The following HINFP variants were observed in gnomAD, a reference collection of about 807,000 sequenced individuals.
The protein encoded by HINFP is MBD2 (methyl-CpG-binding protein)-interacting zinc finger protein.
In HINFP, 20 loss-of-function variants were observed where a neutral mutation model predicts 50.1. The observed-to-expected ratio is 0.40, with a 90% confidence interval of 0.28 to 0.58. HINFP has a LOEUF of 0.58. Ranked by LOEUF, HINFP falls within the 20% of genes least tolerant of loss-of-function variation. The probability of loss-of-function intolerance (pLI) is 0.45; values close to 1 mark genes in which losing one functional copy is unlikely to be tolerated. For missense variants in HINFP, 505 were observed against 664.1 expected (o/e 0.76, Z 2.63); for synonymous variants, 247 against 243.7 (o/e 1.01, Z -0.13).
rs1226450278 is a variant in HINFP at position 119,131,017 on chromosome 11, G to A, written c.411+63G>A. On this transcript the variant is annotated intron_variant, in intron 3 of 9. Coordinates refer to ENST00000350777, the MANE Select transcript of HINFP (RefSeq NM_198971.3). This position sits in a 1 kb window ranked among gnomAD's most constrained non-coding sequence, Gnocchi z 4.2. The stretch of plus-strand genomic sequence containing the variant: ...CTGGGGGTCTTAACTCTGATGCCTT[G>A]TCCCTTTCAGGGATGCCTTATATTT... 1.6e-6 allele frequency: 2 copies of A among 1,274,530 alleles called. No individual in the cohort carries two copies. The highest frequency in any genetic ancestry group is 2.4e-5 in the South Asian group (2 of 83,824). The allele number at this position is 1,274,530 out of a possible 1,614,324, so 79.0% of individuals were successfully genotyped here. A position where few individuals can be genotyped will look rare whatever the true frequency, so the allele number is the denominator to read the frequency against.
chr11:119,121,843 G>C (rs1947077614), intron 1 of HINFP: 1 of 152,408 alleles, frequency 6.6e-6, no homozygotes, highest in South Asian at 2.1e-4. Flanking sequence ...GAAGGATTCC[G>C]GGAAGCCTGC....
At chr11:119,128,684 C>T (rs1182281291) in intron 2 of HINFP, among the ~76,000 whole-genome samples, 4 of 151,756 alleles carry the variant, frequency 2.6e-5, no homozygotes, top group African/African-American at 9.7e-5. Context: ...ATGAGATAGG[C>T]ACTATTATTA....
rs1947838134 is a variant in HINFP, at chr11:119,132,727, T to C, written c.821T>C (p.Met274Thr). The change falls in exon 7 of 10, where the codon ATG (methionine) becomes ACG (threonine). Residue 274 changes from methionine to threonine, a missense_variant. Coordinates refer to ENST00000350777, the MANE Select transcript of HINFP (RefSeq NM_198971.3). ...CTGCCTTCCTCCCTCCGCAACCACA[T>C]GCGCTTTCGTCACAGTGAGGACCGG... is the stretch of plus-strand genomic sequence containing the variant. ...CPLPSSLRNH[M>T]RFRHSEDRPF... 3 of 1,613,810 alleles carry C rather than the reference T, an allele frequency of 1.9e-6. No individual in the cohort carries two copies. Among genetic ancestry groups the C allele is most frequent in the Non-Finnish European group, 2.5e-6 (3 of 1,180,042 alleles).
intron 2 of HINFP, among the ~76,000 whole-genome samples, chr11:119,128,616 C>T (rs1253354827): frequency 1.3e-5 from 2 of 152,104 alleles, no homozygotes; most frequent in African/African-American, 4.8e-5. Flanking sequence ...ACGTGAGCCA[C>T]CATGCCCGGC....
chr11:119,133,316 C>T (rs537153), intron 9 of HINFP, 97 bp downstream of exon 9: 610,864 of 1,494,462 alleles, frequency 0.41, 129,865 homozygotes, highest in East Asian at 0.73. Flanking sequence ...CGCGGTGGCT[C>T]ACGCCTGTAA....
chr11:119,130,835 T>C lies in HINFP; in HGVS notation c.292T>C (p.Trp98Arg), dbSNP rs758060578. ...FHCYHTKLKQ[W>R]GLQALQSQAD... ...CTGCTACCACACCAAGCTGAAACAG[T>C]GGGGGCTGCAGGCCTTGCAAAGCCA... The change falls in exon 3 of 10, where the codon TGG becomes CGG. Residue 98 changes from tryptophan to arginine, a missense_variant. Transcript: ENST00000350777. 2.5e-6 allele frequency: 4 copies of C among 1,614,196 alleles called. No homozygotes were observed. The highest frequency in any genetic ancestry group is 3.4e-6 in the Non-Finnish European group (4 of 1,180,038).
intron 1 of HINFP, 128 bp from the exon 2 acceptor site, chr11:119,126,807 G>A: frequency 4.2e-6 from 3 of 722,488 alleles, no homozygotes; most frequent in Admixed American, 2.8e-5. Flanking sequence ...ACTGTAAAAG[G>A]GCAGGGTTTC....
chr11:119,126,744 C>A (rs995056116), intron 1 of HINFP, 191 bp from the exon 2 acceptor site: 15 of 537,078 alleles, frequency 2.8e-5, no homozygotes, highest in African/African-American at 2.7e-4. Context: ...TTTGTTTTCC[C>A]TTTCCACAAA....
At position 119,131,068 on chromosome 11, in the gene HINFP, T is replaced by C. The variant is rs771237114; in HGVS notation, c.411+114T>C. On this transcript the variant is annotated intron_variant, in intron 3 of 9. Coordinates refer to ENST00000350777, the MANE Select transcript of HINFP (RefSeq NM_198971.3). This position sits in a 1 kb window ranked among gnomAD's most constrained non-coding sequence, Gnocchi z 4.2. Reference sequence around the variant, plus strand: ...CCAAGATTCCTGCTAGTATCTCTCTTCCATTTCTTTTGCTCTTTTAAAATT... The same window carrying C: ...CCAAGATTCCTGCTAGTATCTCTCTCCCATTTCTTTTGCTCTTTTAAAATT... The C allele has an allele frequency of 1.1e-5, 10 of 887,942 alleles. No homozygotes were observed. Among genetic ancestry groups the C allele is most frequent in the South Asian group, 8.3e-5 (6 of 72,594 alleles). 55.0% of individuals were successfully genotyped at this position (887,942 alleles called of 1,614,324 possible).
intron 2 of HINFP, chr11:119,130,487 G>T (rs528138736): frequency 2.7e-5 from 14 of 521,430 alleles, no homozygotes; most frequent in Non-Finnish European, 4.5e-5. Context: ...CTTTCTCCCT[G>T]ACTGAAAGCT....
chr11:119,129,844 C>T (rs911072067), intron 2 of HINFP: 1 of 152,182 alleles, frequency 6.6e-6, no homozygotes, highest in African/African-American at 2.4e-5. Flanking sequence ...CTCTATTCTA[C>T]AGGAAATATG....
At chr11:119,124,561 T>C (rs918947060) in intron 1 of HINFP, 1 of 152,218 alleles carries the variant, frequency 6.6e-6, no homozygotes, top group Non-Finnish European at 1.5e-5. Context: ...CTTCTGGAAC[T>C]GCTTGCATCA....
At chr11:119,128,583 C>G (rs1400516077) in intron 2 of HINFP, among the ~76,000 whole-genome samples, 1 of 152,094 alleles carries the variant, frequency 6.6e-6, no homozygotes, top group Non-Finnish European at 1.5e-5. Context: ...CCGCCTCAGC[C>G]TCCCAAAGTG....
At chr11:119,124,273 T>C (rs1302412617) in intron 1 of HINFP, 1 of 152,194 alleles carries the variant, frequency 6.6e-6, no homozygotes, top group Non-Finnish European at 1.5e-5. Flanking sequence ...AAGCCTGTAT[T>C]GGGGGCATGA....
rs1469780275 is a variant in HINFP, at chr11:119,129,330, C to T, written c.182-1395C>T. Among the ~76,000 whole-genome samples, 6 of 151,696 alleles carry T rather than the reference C, an allele frequency of 4.0e-5. No homozygotes were observed. In the East Asian group the frequency reaches 5.9e-4, roughly 15 times the overall value. On this transcript the variant is annotated intron_variant, in intron 2 of 9. Coordinates refer to ENST00000350777, the MANE Select transcript of HINFP (RefSeq NM_198971.3). The stretch of plus-strand genomic sequence containing the variant: ...TTGGGATTACAGGCGTGAGCCACTG[C>T]GCCCGACCAAAGCCACTTTTTTTTT...
At chr11:119,127,774 C>T (rs760442045) in intron 2 of HINFP, among the ~76,000 whole-genome samples, 1 of 151,970 alleles carries the variant, frequency 6.6e-6, no homozygotes, top group Non-Finnish European at 1.5e-5. Context: ...CTCCTGGCCT[C>T]GAGCAATCCT....
chr11:119,125,055 T>TG, intron 1 of HINFP: 1 of 149,062 alleles, frequency 6.7e-6, no homozygotes, highest in East Asian at 2.0e-4. Flanking sequence ...TTTTTTTTTT[T>TG]TGAGACAGAG....
rs1178827220 is a variant in HINFP at position 119,121,646 on chromosome 11, T to C, written c.-11+7T>C. 1 of 152,464 alleles carries C rather than the reference T, an allele frequency of 6.6e-6. No individual in the cohort carries two copies. Among genetic ancestry groups the C allele is most frequent in the Non-Finnish European group, 1.5e-5 (1 of 68,216 alleles). The allele number at this position is 152,464 out of a possible 1,614,324, so 9.4% of individuals were successfully genotyped here. A position where few individuals can be genotyped will look rare whatever the true frequency, so the allele number is the denominator to read the frequency against. On this transcript the variant is annotated splice_region_variant and intron_variant, in intron 1 of 9. Transcript: ENST00000350777. ...GACCTGGAGCCGACAGACGGTAAGCTGGGGTATGTGCTCTGCAGGGGCTGC... is the reference window on the plus strand; with the variant it reads ...GACCTGGAGCCGACAGACGGTAAGCCGGGGTATGTGCTCTGCAGGGGCTGC...
Position 119,130,879 on chromosome 11 carries a change from C to T in HINFP, c.336C>T (p.Cys112=). The change falls in exon 3 of 10, where the codon TGC becomes TGT. Residue 112 remains cysteine (C), a synonymous_variant. Transcript: ENST00000350777. ...AAAGCCAGGCTGACCTTGGCCCCTG[C>T]ATCCTGGACTTCCAGAGCCGGAACG... ...ALQSQADLGP[C]ILDFQSRNVI... is the part of the protein sequence containing the mutation. 2 of 1,614,214 alleles carry T rather than the reference C, an allele frequency of 1.2e-6. No homozygotes were observed. The highest frequency in any genetic ancestry group is 1.7e-6 in the Non-Finnish European group (2 of 1,180,032).
Sources: allele counts gnomAD v4.1 joint callset (sites outside exome capture counted in the v4.1 genomes callset), GRCh38; gene constraint gnomAD v4.1.1; non-coding constraint Gnocchi (gnomAD v3.1); transcripts MANE v1.5; gene names NCBI Gene and HGNC (gene_info 2026-07-23, HGNC 2026-07-21).